Variants in CDH2 observed in about 807,000 individuals in gnomAD.
CDH2 encodes cadherin-2.
Under a neutral mutation model 92.0 loss-of-function variants are expected in CDH2, and 17 were observed. That is an observed-to-expected ratio of 0.18 (90% CI 0.13 to 0.28). The LOEUF is 0.28. Among genes scored for constraint, CDH2 ranks in the 10% least tolerant of loss-of-function variants. The pLI is 1.00. For synonymous variants in CDH2, 419 were observed against 415.9 expected (o/e 1.01, Z -0.09); for missense variants, 862 against 1,133.1 (o/e 0.76, Z 3.44).
intron 1 of CDH2, among the ~76,000 whole-genome samples, chr18:28,172,187 A>C (rs1474523759): frequency 6.6e-6 from 1 of 152,052 alleles, no homozygotes; most frequent in Non-Finnish European, 1.5e-5. Flanking sequence ...CCAAAGAGTG[A>C]GCGACAAGGA....
intron 2 of CDH2, among the ~76,000 whole-genome samples, chr18:28,060,873 G>A (rs534167863): frequency 2.0e-5 from 3 of 152,130 alleles, no homozygotes; most frequent in East Asian, 3.9e-4. Context: ...CATTGTTTTC[G>A]GGCATTTCCA....
intron 2 of CDH2, among the ~76,000 whole-genome samples, chr18:28,129,841 ACT>A (rs1286940964): frequency 1.3e-5 from 2 of 152,192 alleles, no homozygotes; most frequent in Admixed American, 1.3e-4. Flanking sequence ...AAACTAAATG[ACT>A]CTACTGTCTA....
intron 4 of CDH2, among the ~76,000 whole-genome samples, chr18:28,010,377 A>G (rs2013060982): frequency 6.6e-6 from 1 of 152,218 alleles, no homozygotes; most frequent in African/African-American, 2.4e-5. Context: ...AACACTGTTC[A>G]TTGCGCACCA....
chr18:28,147,531 ATAAAGTCCCTACAGTC>A, intron 2 of CDH2, 126 bp downstream of exon 2: 2 of 473,746 alleles, frequency 4.2e-6, no homozygotes, highest in Non-Finnish European at 7.4e-6. Context: ...TAATCCTAAA[ATAAAGTCCCTACAGTC>A]TCATCATAGT....
intron 2 of CDH2, among the ~76,000 whole-genome samples, chr18:28,017,484 T>G (rs922622383): frequency 2.0e-5 from 3 of 152,302 alleles, no homozygotes; most frequent in South Asian, 2.1e-4. Context: ...CTAATTGAGC[T>G]TATTTGGATA....
intron 2 of CDH2, among the ~76,000 whole-genome samples, chr18:28,114,148 GGAT>G (rs1282939952): frequency 1.3e-5 from 2 of 152,086 alleles, no homozygotes; most frequent in African/African-American, 2.4e-5. Context: ...TAGCACTGTA[GGAT>G]GACACTAACA....
At chr18:28,153,556 C>G (rs777553462) in intron 1 of CDH2, among the ~76,000 whole-genome samples, 3 of 152,160 alleles carry the variant, frequency 2.0e-5, no homozygotes, top group Non-Finnish European at 2.9e-5. Flanking sequence ...CCCAACCCCC[C>G]GGGGCCCTAA....
intron 14 of CDH2, among the ~76,000 whole-genome samples, chr18:27,964,161 GAA>G (rs1387401310): frequency 3.3e-5 from 5 of 152,190 alleles, no homozygotes; most frequent in Admixed American, 2.6e-4. Context: ...CCCTACTGAG[GAA>G]AAGTTTGCTG....
rs1203516656 is a variant in CDH2, at chr18:27,943,487, G to A, written c.1152-10363C>T. Among the ~76,000 whole-genome samples, 6 of 152,180 alleles carry A rather than the reference G, an allele frequency of 3.9e-5. No homozygotes were observed. The South Asian group carries it at 6.2e-4, about 16-fold the overall frequency. Reference sequence around the variant, plus strand: ...ACTGATGTTACCAAAAAGCATCAACGTAAAGTTTTCACACAACTACAGCAC... The same window carrying A: ...ACTGATGTTACCAAAAAGCATCAACATAAAGTTTTCACACAACTACAGCAC... On this transcript the variant is annotated intron_variant, in intron 6 of 6. Transcript: ENST00000675173.
chr18:27,945,323 ATTTTTTT>A (rs66537834), intron 6 of CDH2, among the ~76,000 whole-genome samples: 77 of 66,462 alleles, frequency 1.2e-3, no homozygotes, highest in African/African-American at 3.9e-3. Flanking sequence ...AGGAAGGAAG[ATTTTTTT>A]TTTTTTTTTT....
chr18:28,131,038 C>A (rs1056157673), intron 2 of CDH2, among the ~76,000 whole-genome samples: 2 of 152,034 alleles, frequency 1.3e-5, no homozygotes, highest in Admixed American at 6.5e-5. Context: ...CCAGACATAA[C>A]CAATAAACAG....
intron 2 of CDH2, among the ~76,000 whole-genome samples, chr18:28,141,282 GA>G (rs1598503122): frequency 6.6e-6 from 1 of 152,030 alleles, no homozygotes; most frequent in East Asian, 1.9e-4. Flanking sequence ...GCTAGTATAT[GA>G]ACAAACTCCA....
At chr18:28,094,954 T>C (rs1390763811) in intron 2 of CDH2, among the ~76,000 whole-genome samples, 1 of 152,152 alleles carries the variant, frequency 6.6e-6, no homozygotes, top group East Asian at 1.9e-4. Context: ...TGTTAAAGAA[T>C]TTATAACATG....
chr18:27,952,423 G>T, intron 15 of CDH2, 64 bp from the exon 16 acceptor site: 1 of 1,288,694 alleles, frequency 7.8e-7, no homozygotes, highest in African/African-American at 1.5e-5. Context: ...AAAACCACAA[G>T]CAGATCCTAA....
chr18:28,153,851 G>A (rs944649250), intron 1 of CDH2, among the ~76,000 whole-genome samples: 2 of 152,168 alleles, frequency 1.3e-5, no homozygotes, highest in African/African-American at 4.8e-5. Flanking sequence ...GGGGCAACAC[G>A]AATCCAACTC....
intron 2 of CDH2, among the ~76,000 whole-genome samples, chr18:28,124,407 T>C (rs1287982189): frequency 6.6e-6 from 1 of 152,126 alleles, no homozygotes; most frequent in African/African-American, 2.4e-5. Context: ...ACCACACCCC[T>C]TTATCCTGGT....
intron 2 of CDH2, among the ~76,000 whole-genome samples, chr18:28,094,095 C>G (rs755610644): frequency 6.6e-6 from 1 of 152,188 alleles, no homozygotes; most frequent in African/African-American, 2.4e-5. Context: ...TATCCTTCTA[C>G]AATTTTGAAA....
intron 2 of CDH2, among the ~76,000 whole-genome samples, chr18:28,107,658 A>C (rs1206518176): frequency 6.6e-6 from 1 of 152,170 alleles, no homozygotes; most frequent in Non-Finnish European, 1.5e-5. Context: ...CTGTATAAAG[A>C]AGCAGTCAAT....
chr18:28,091,641 T>C (rs1288660340), intron 2 of CDH2, among the ~76,000 whole-genome samples: 1 of 152,256 alleles, frequency 6.6e-6, no homozygotes, highest in East Asian at 1.9e-4. Context: ...ACTGATTTAC[T>C]ATTTGAAGAA....
Sources: gnomAD v4.1 joint callset for allele counts (sites outside exome capture counted in the v4.1 genomes callset) on GRCh38, gnomAD v4.1.1 for gene constraint, MANE v1.5 for transcripts, NCBI Gene and HGNC (gene_info 2026-07-23, HGNC 2026-07-21) for gene names.